Variants in VIPR1 observed in about 807,000 individuals in gnomAD.
VIPR1 encodes vasoactive intestinal peptide receptor 1.
VIPR1 carries 59 observed loss-of-function variants against 58.8 expected under a neutral mutation model. The ratio of observed to expected loss-of-function variants is 1.00; its 90% CI spans 0.81 to 1.25. The LOEUF (loss-of-function observed/expected upper bound fraction) is 1.25, where lower values mean the gene tolerates loss of function less well. Among genes scored for constraint, VIPR1 ranks in the 50% most tolerant of loss-of-function variants. The probability of loss-of-function intolerance (pLI) is 0.00; values close to 1 mark genes in which losing one functional copy is unlikely to be tolerated. For missense variants in VIPR1, 626 were observed against 602.7 expected (o/e 1.04, Z -0.40); for synonymous variants, 251 against 242.1 (o/e 1.04, Z -0.34).
At chr3:42,502,432 G>A (rs753326159), upstream of VIPR1, among the ~76,000 whole-genome samples, 10 of 152,226 alleles carry the variant, frequency 6.6e-5, no homozygotes, top group Non-Finnish European at 1.3e-4. Flanking sequence ...GCCTATAAAT[G>A]TCTCACGACG....
chr3:42,504,429 C>T (rs1700014285), intron 1 of VIPR1, among the ~76,000 whole-genome samples: 1 of 152,152 alleles, frequency 6.6e-6, no homozygotes, highest in African/African-American at 2.4e-5. Context: ...CTATCTCCTC[C>T]TCCAGACAGC....
chr3:42,514,541 C>CCACACACACA (rs111610459), intron 2 of VIPR1, among the ~76,000 whole-genome samples: 3,596 of 144,058 alleles, frequency 0.025, 95 homozygotes, highest in East Asian at 0.073. Context: ...GATAGTGACA[C>CCACACACACA]CACACACACA....
chr3:42,513,464 C>T (rs1367917322), intron 1 of VIPR1: 2 of 368,416 alleles, frequency 5.4e-6, no homozygotes, highest in East Asian at 1.1e-4. Flanking sequence ...CCTCTTGCCG[C>T]CATCTGGAGT....
intron 1 of VIPR1, among the ~76,000 whole-genome samples, chr3:42,491,562 TTTTGTTTG>T (rs538150752): frequency 6.8e-6 from 1 of 148,012 alleles, no homozygotes; most frequent in Non-Finnish European, 1.5e-5. Context: ...TTTCTTTATT[TTTTGTTTG>T]TTTGTTTGTT....
At chr3:42,506,964 A>G (rs888080916) in intron 1 of VIPR1, 3 of 152,198 alleles carry the variant, frequency 2.0e-5, no homozygotes, top group East Asian at 1.9e-4. Flanking sequence ...CAAATACCCA[A>G]TTCCGAGGTT....
intron 4 of VIPR1, among the ~76,000 whole-genome samples, chr3:42,526,478 G>A (rs979749015): frequency 1.3e-5 from 2 of 152,230 alleles, no homozygotes; most frequent in African/African-American, 2.4e-5. Context: ...GTAAAGACTG[G>A]GGAGCCTGGT....
At chr3:42,523,640 C>CACACACACACACACAT (rs1553638629) in intron 3 of VIPR1, among the ~76,000 whole-genome samples, 1 of 150,760 alleles carries the variant, frequency 6.6e-6, no homozygotes, top group African/African-American at 2.4e-5. Flanking sequence ...CACACACACA[C>CACACACACACACACAT]GGCATGTGAA....
intron 2 of VIPR1, among the ~76,000 whole-genome samples, chr3:42,517,283 T>G (rs888817038): frequency 1.3e-5 from 2 of 152,142 alleles, no homozygotes; most frequent in African/African-American, 4.8e-5. Flanking sequence ...CAGACCCCCT[T>G]CTTGGGAACT....
At chr3:42,513,453 C>A in intron 1 of VIPR1, 1 of 346,898 alleles carries the variant, frequency 2.9e-6, no homozygotes, top group Non-Finnish European at 5.4e-6. Flanking sequence ...TAAGGGGAGG[C>A]CCTCTTGCCG....
chr3:42,492,822 G>T (rs1699690178), intron 1 of VIPR1, among the ~76,000 whole-genome samples: 1 of 152,238 alleles, frequency 6.6e-6, no homozygotes, highest in Non-Finnish European at 1.5e-5. Context: ...GAAGGGGACT[G>T]CAGGGTACAC....
chr3:42,494,260 C>T (rs1375236581), intron 1 of VIPR1, among the ~76,000 whole-genome samples: 2 of 152,092 alleles, frequency 1.3e-5, no homozygotes, highest in Non-Finnish European at 2.9e-5. Context: ...TATTGATATC[C>T]ATGAAATTAT....
intron 1 of VIPR1, among the ~76,000 whole-genome samples, chr3:42,503,774 A>G (rs485118): frequency 0.98 from 149,078 of 152,306 alleles, 72,979 homozygotes; most frequent in East Asian, 1. Flanking sequence ...GACCTAGACA[A>G]AGGTTGATTT....
rs1229595231 is a variant in VIPR1, at chr3:42,490,717, G to A, written c.-245+1039G>A. Among the ~76,000 whole-genome samples, 10 of 152,188 alleles carry A rather than the reference G, an allele frequency of 6.6e-5. No homozygotes were observed. In the South Asian group the frequency reaches 2.1e-3, roughly 32 times the overall value. On this transcript the variant is annotated intron_variant, in intron 1 of 13. Coordinates refer to the VIPR1 transcript ENST00000433647. ...GAAGAGTAGAGAGTAAAGAGGTTTA[G>A]GAGTTGGGGGGAAGGGAGCAGTTTG...
intron 1 of VIPR1, among the ~76,000 whole-genome samples, chr3:42,490,563 C>G (rs1417211916): frequency 6.6e-6 from 1 of 152,162 alleles, no homozygotes; most frequent in African/African-American, 2.4e-5. Flanking sequence ...AGTCCCTTAC[C>G]AAGTAAGCAG....
upstream of VIPR1, among the ~76,000 whole-genome samples, chr3:42,501,230 C>T (rs1699862534): frequency 1.3e-5 from 2 of 151,902 alleles, no homozygotes; most frequent in African/African-American, 4.8e-5. This position sits in a 1 kb window ranked among gnomAD's most constrained non-coding sequence, Gnocchi z 4.8. Context: ...CATCCCTTCC[C>T]GGCTTTCCCC....
intron 3 of VIPR1, among the ~76,000 whole-genome samples, chr3:42,525,096 C>A (rs1235351983): frequency 6.6e-6 from 1 of 152,072 alleles, no homozygotes; most frequent in African/African-American, 2.4e-5. Flanking sequence ...TGATTCTTCT[C>A]TGGCTCATCT....
chr3:42,513,446 G>A lies in VIPR1; in HGVS notation c.79-303G>A, dbSNP rs1255361359. ...CCAGAGGGCCAGCTCAGGCCTCTAAGGGGAGGCCCTCTTGCCGCCATCTGG... is the reference window on the plus strand; with the variant it reads ...CCAGAGGGCCAGCTCAGGCCTCTAAAGGGAGGCCCTCTTGCCGCCATCTGG... On this transcript the variant is annotated intron_variant, in intron 1 of 12. Transcript: ENST00000325123. 5.9e-5 allele frequency: 20 copies of A among 340,096 alleles called. No individual in the cohort carries two copies. The South Asian group carries it at 6.8e-4, about 12-fold the overall frequency. 21.1% of individuals were successfully genotyped at this position (340,096 alleles called of 1,614,324 possible). A position where few individuals can be genotyped will look rare whatever the true frequency, so the allele number is the denominator to read the frequency against.
At chr3:42,497,023 G>A (rs1010648652) in intron 1 of VIPR1, among the ~76,000 whole-genome samples, 3 of 152,072 alleles carry the variant, frequency 2.0e-5, no homozygotes, top group Non-Finnish European at 2.9e-5. Context: ...CATCAATTAT[G>A]TTAAACTCCA....
chr3:42,513,654 C>T (rs1184356491), intron 1 of VIPR1, 95 bp from the exon 2 acceptor site: 2 of 1,325,714 alleles, frequency 1.5e-6, no homozygotes, highest in African/African-American at 1.5e-5. Context: ...ACTTGGATCT[C>T]TTCCAGGGAG....
Sources: gnomAD v4.1 joint callset for allele counts (sites outside exome capture counted in the v4.1 genomes callset) on GRCh38, gnomAD v4.1.1 for gene constraint, Gnocchi (gnomAD v3.1) non-coding constraint, MANE v1.5 for transcripts, NCBI Gene and HGNC (gene_info 2026-07-23, HGNC 2026-07-21) for gene names.